The following ULK4 variants were observed in gnomAD, a reference collection of about 807,000 sequenced individuals.
The protein encoded by ULK4 is unc-51 like kinase 4.
Under a neutral mutation model 160.6 loss-of-function variants are expected in ULK4, and 133 were observed. That is an observed-to-expected ratio of 0.83 (90% confidence interval 0.72 to 0.96). The LOEUF (loss-of-function observed/expected upper bound fraction) is 0.96. Among genes scored for constraint, ULK4 ranks in the 40% least tolerant of loss-of-function variants. The pLI is 0.00. For missense variants in ULK4, 1,580 were observed against 1,499.5 expected (o/e 1.05, Z -0.89); for synonymous variants, 534 against 539.8 (o/e 0.99, Z 0.15).
In ULK4 at chr3:41,344,601, A is replaced by C. The variant is rs1163250054; in HGVS notation, c.3678+53478T>G. Among the ~76,000 whole-genome samples the C allele has an allele frequency of 2.0e-5, 3 of 152,122 alleles. No individual in the cohort carries two copies. In the East Asian group the frequency reaches 5.8e-4, roughly 29 times the overall value. ...ACTGTGTCTCTACTAAAAGTACAAA[A>C]AATTAGCCAGGTATGGTGGCACACA... On this transcript the variant is annotated intron_variant, in intron 35 of 36. Transcript: ENST00000301831.
chr3:41,797,697 T>TA (rs1485968358), intron 20 of ULK4, among the ~76,000 whole-genome samples: 3 of 151,718 alleles, frequency 2.0e-5, no homozygotes, highest in Non-Finnish European at 4.4e-5. Context: ...ACATCTCTAC[T>TA]AAAAAATACA....
chr3:41,693,751 A>G (rs2125811006), intron 27 of ULK4, among the ~76,000 whole-genome samples: 1 of 152,350 alleles, frequency 6.6e-6, no homozygotes, highest in Middle Eastern at 3.4e-3. Context: ...ACTGCTCTGA[A>G]TATATCTTTT....
chr3:41,838,212 T>G (rs964241144), intron 17 of ULK4, among the ~76,000 whole-genome samples: 1 of 152,100 alleles, frequency 6.6e-6, no homozygotes, highest in African/African-American at 2.4e-5. Flanking sequence ...AAGAACACAG[T>G]AGGCCAAAAT....
intron 34 of ULK4, among the ~76,000 whole-genome samples, chr3:41,417,465 C>T (rs1455110293): frequency 1.3e-5 from 2 of 152,050 alleles, no homozygotes; most frequent in Non-Finnish European, 2.9e-5. Context: ...AGGCTGTGAC[C>T]AGGTATGAAG....
intron 35 of ULK4, among the ~76,000 whole-genome samples, chr3:41,270,545 T>C (rs1319544677): frequency 1.3e-5 from 2 of 152,208 alleles, no homozygotes; most frequent in African/African-American, 4.8e-5. Flanking sequence ...GGAATTACCA[T>C]TTTAAAGTTC....
intron 25 of ULK4, among the ~76,000 whole-genome samples, chr3:41,714,357 T>C (rs533033140): frequency 3.7e-4 from 56 of 152,320 alleles, no homozygotes; most frequent in African/African-American, 1.3e-3. Flanking sequence ...TCCTCACTTG[T>C]TGTGGCAATC....
At chr3:41,763,805 T>C (rs1368580628) in intron 21 of ULK4, among the ~76,000 whole-genome samples, 2 of 152,250 alleles carry the variant, frequency 1.3e-5, no homozygotes, top group Non-Finnish European at 2.9e-5. Context: ...GTTGTACCAA[T>C]TTACTGTCCA....
intron 14 of ULK4, among the ~76,000 whole-genome samples, chr3:41,898,048 T>A (rs1331339277): frequency 1.3e-5 from 2 of 152,072 alleles, no homozygotes; most frequent in Non-Finnish European, 2.9e-5. Context: ...AATGTCCTGG[T>A]CCCTCTAATA....
At chr3:41,935,673 A>T in intron 4 of ULK4, 128 bp downstream of exon 4, 1 of 1,181,220 alleles carries the variant, frequency 8.5e-7, no homozygotes, top group Non-Finnish European at 1.1e-6. Flanking sequence ...CTTTTATTTT[A>T]AAAAAAGATT....
At chr3:41,841,706 A>G (rs753402174) in intron 17 of ULK4, among the ~76,000 whole-genome samples, 23 of 152,134 alleles carry the variant, frequency 1.5e-4, no homozygotes, top group African/African-American at 1.9e-4. Context: ...AAAAGGGGAA[A>G]TGTGGGGAAA....
intron 1 of ULK4, among the ~76,000 whole-genome samples, chr3:41,958,464 G>C (rs1405868130): frequency 1.3e-5 from 2 of 151,972 alleles, no homozygotes; most frequent in Non-Finnish European, 2.9e-5. Context: ...CACTTTGGGA[G>C]GTCGAGTCGG....
In ULK4 at chr3:41,366,548, T is replaced by TACACACAC. The variant is rs148305509; in HGVS notation, c.3678+31523_3678+31530dup. On this transcript the variant is annotated intron_variant, in intron 35 of 36. Coordinates refer to ENST00000301831, the MANE Select transcript of ULK4 (RefSeq NM_017886.4). Reference sequence around the variant, plus strand: ...AACACCTGTATTTGGAAAATATGGCTACACACACACACACACACACACACA... The same window carrying TACACACAC: ...AACACCTGTATTTGGAAAATATGGCTACACACACACACACACACACACACACACACACA... Among the ~76,000 whole-genome samples, 56 of 148,788 alleles carry TACACACAC rather than the reference T, an allele frequency of 3.8e-4. 1 individual carries two copies. Among genetic ancestry groups the TACACACAC allele is most frequent in the African/African-American group, 1.1e-3 (44 of 40,550 alleles).
chr3:41,694,381 G>T (rs1046314873), intron 27 of ULK4, among the ~76,000 whole-genome samples: 5 of 152,154 alleles, frequency 3.3e-5, no homozygotes, highest in African/African-American at 9.7e-5. Flanking sequence ...ATGGAGGGAG[G>T]TATAGAAAGC....
intron 35 of ULK4, among the ~76,000 whole-genome samples, chr3:41,274,469 T>C (rs58593871): frequency 0.04 from 6,058 of 152,286 alleles, 293 homozygotes; most frequent in East Asian, 0.18. Flanking sequence ...CTGACTCTGA[T>C]ACACATCAGT....
chr3:41,785,309 G>T (rs1240992798), intron 21 of ULK4, among the ~76,000 whole-genome samples: 1 of 152,164 alleles, frequency 6.6e-6, no homozygotes, highest in African/African-American at 2.4e-5. Flanking sequence ...CATGAAAACA[G>T]CAAGAAAAAT....
chr3:41,344,266 T>A (rs981814630), intron 35 of ULK4, among the ~76,000 whole-genome samples: 2 of 152,208 alleles, frequency 1.3e-5, no homozygotes, highest in African/African-American at 4.8e-5. Flanking sequence ...AAGAACTGGC[T>A]AGCTACATAT....
At chr3:41,857,322 T>C (rs73830532) in intron 17 of ULK4, among the ~76,000 whole-genome samples, 18,575 of 152,194 alleles carry the variant, frequency 0.12, 1,332 homozygotes, top group Middle Eastern at 0.27. Flanking sequence ...ATATTTCCAA[T>C]GTAGTGCTGA....
rs191009366 is a variant in ULK4, at chr3:41,813,164, G to A, written c.1848+6259C>T. Among the ~76,000 whole-genome samples the A allele has an allele frequency of 4.5e-4, 69 of 152,242 alleles. 1 individual carries two copies. The highest frequency in any genetic ancestry group is 2.0e-3 in the Admixed American group (31 of 15,288). ...TACTGGGGCCTGTCAGGGCAGGTGG[G>A]GGAGGAGCATCAGAAAAAACAGCTA... On this transcript the variant is annotated intron_variant, in intron 19 of 36. Coordinates refer to ENST00000301831, the MANE Select transcript of ULK4 (RefSeq NM_017886.4).
chr3:41,509,762 G>C (rs2085507258), intron 32 of ULK4, among the ~76,000 whole-genome samples: 1 of 152,144 alleles, frequency 6.6e-6, no homozygotes, highest in Admixed American at 6.5e-5. Flanking sequence ...GTCTTTTCCA[G>C]ACAAACAAAT....
Sources: gnomAD v4.1 joint callset for allele counts (sites outside exome capture counted in the v4.1 genomes callset) on GRCh38, gnomAD v4.1.1 for gene constraint, MANE v1.5 for transcripts, NCBI Gene and HGNC (gene_info 2026-07-23, HGNC 2026-07-21) for gene names.